Variants in BTBD9 observed in about 807,000 individuals in gnomAD.
BTBD9 encodes the protein BTB domain containing 9.
A neutral mutation model predicts 64.3 loss-of-function variants in BTBD9; 49 were observed. The observed-to-expected ratio is 0.76, with a 90% CI of 0.61 to 0.97. The LOEUF is 0.97. Ranked by LOEUF, BTBD9 falls within the 50% of genes least tolerant of loss-of-function variation. The probability of loss-of-function intolerance (pLI) is 0.00; values close to 1 mark genes in which losing one functional copy is unlikely to be tolerated. For missense variants in BTBD9, 598 were observed against 762.1 expected, an observed-to-expected ratio of 0.78 and a Z score of 2.53; for synonymous variants, 260 against 274.7, an observed-to-expected ratio of 0.95 and a Z score of 0.53.
intron 6 of BTBD9, among the ~76,000 whole-genome samples, chr6:38,398,775 T>G (rs1255040104): frequency 2.0e-5 from 3 of 152,210 alleles, no homozygotes; most frequent in African/African-American, 7.2e-5. Context: ...CACTTACCAT[T>G]TTTTCCTAAT....
intron 7 of BTBD9, among the ~76,000 whole-genome samples, chr6:38,306,868 G>A (rs1366195084): frequency 6.6e-6 from 1 of 152,220 alleles, no homozygotes; most frequent in Non-Finnish European, 1.5e-5. Context: ...TTCAAACACT[G>A]TGCTCTGCTG....
At chr6:38,504,880 C>G (rs1772392340) in intron 6 of BTBD9, among the ~76,000 whole-genome samples, 1 of 152,208 alleles carries the variant, frequency 6.6e-6, no homozygotes, top group African/African-American at 2.4e-5. Context: ...GATTCCGGTG[C>G]AATTGCTATG....
rs1762582160 is a variant in BTBD9, at chr6:38,204,907, A to G, written c.1563-12310T>C. ...TATTACATCTTTGAAATAGGAATAA[A>G]TAAAATGATATGAAAAAATAACATT... is the stretch of plus-strand genomic sequence containing the variant. On this transcript the variant is annotated intron_variant, in intron 9 of 10. Transcript: ENST00000481247. 3.9e-5 allele frequency among the ~76,000 whole-genome samples: 6 copies of G among 152,244 alleles called. 1 individual carries two copies. In the South Asian group the frequency reaches 1.2e-3, roughly 32 times the overall value.
intron 7 of BTBD9, among the ~76,000 whole-genome samples, chr6:38,308,264 T>TA (rs1262306465): frequency 6.6e-6 from 1 of 152,210 alleles, no homozygotes; most frequent in Non-Finnish European, 1.5e-5. Context: ...AGAAAAAAGA[T>TA]AAACCAACCA....
intron 1 of BTBD9, among the ~76,000 whole-genome samples, chr6:38,619,817 T>C (rs950815476): frequency 1.1e-4 from 17 of 152,190 alleles, no homozygotes; most frequent in Non-Finnish European, 1.2e-4. Flanking sequence ...ACCTCCTCAG[T>C]TGTAATTGGG....
chr6:38,248,423 A>G (rs1172721728), intron 9 of BTBD9, among the ~76,000 whole-genome samples: 1 of 152,256 alleles, frequency 6.6e-6, no homozygotes, highest in Non-Finnish European at 1.5e-5. Flanking sequence ...CGAGGGGCAC[A>G]GTTTTGGATA....
intron 7 of BTBD9, among the ~76,000 whole-genome samples, chr6:38,294,247 G>C (rs1449665941): frequency 6.6e-6 from 1 of 152,168 alleles, no homozygotes; most frequent in East Asian, 1.9e-4. Flanking sequence ...AACCATTGTG[G>C]AAGTCAATGT....
chr6:38,375,115 G>T (rs781210158), intron 6 of BTBD9, among the ~76,000 whole-genome samples: 45 of 152,284 alleles, frequency 3.0e-4, no homozygotes, highest in Admixed American at 1.4e-3. Flanking sequence ...GGCAAGATGT[G>T]CCAGGACTAG....
chr6:38,258,045 G>C lies in BTBD9; in HGVS notation c.1455-1529C>G, dbSNP rs752924035. On this transcript the variant is annotated intron_variant, in intron 8 of 10. Transcript: ENST00000481247. The stretch of plus-strand genomic sequence containing the variant: ...CTGTCTCCTGGGCTGGAGTGTAATG[G>C]CGCGATCTCGGCTCATTGCAACCTC... Among the ~76,000 whole-genome samples the C allele has an allele frequency of 9.9e-5, 15 of 151,748 alleles. 1 individual carries two copies. Among genetic ancestry groups the C allele is most frequent in the Non-Finnish European group, 1.5e-5 (1 of 67,986 alleles).
At chr6:38,238,916 TATA>T (rs1763891548) in intron 9 of BTBD9, among the ~76,000 whole-genome samples, 2 of 152,068 alleles carry the variant, frequency 1.3e-5, no homozygotes, top group Non-Finnish European at 2.9e-5. Flanking sequence ...GGGAAGAGGG[TATA>T]ATGAGACATG....
chr6:38,551,364 T>C (rs1005602243), intron 6 of BTBD9, among the ~76,000 whole-genome samples: 1 of 152,118 alleles, frequency 6.6e-6, no homozygotes, highest in African/African-American at 2.4e-5. Flanking sequence ...CAGTGTACAC[T>C]TGGAATCTAG....
chr6:38,351,826 G>T (rs1434826975), intron 6 of BTBD9, among the ~76,000 whole-genome samples: 1 of 152,062 alleles, frequency 6.6e-6, no homozygotes, highest in Non-Finnish European at 1.5e-5. Flanking sequence ...GGGGAAAAGT[G>T]AATTTTGAAC....
chr6:38,455,905 G>A (rs984677177), intron 6 of BTBD9, among the ~76,000 whole-genome samples: 4 of 152,098 alleles, frequency 2.6e-5, no homozygotes, highest in Non-Finnish European at 4.4e-5. Context: ...TCTAACTCCT[G>A]ACCTCAGGTG....
At chr6:38,557,979 C>T (rs896642188) in intron 6 of BTBD9, among the ~76,000 whole-genome samples, 3 of 152,070 alleles carry the variant, frequency 2.0e-5, no homozygotes, top group African/African-American at 4.8e-5. Context: ...AGTTGTTTAA[C>T]GAACTCTTGG....
intron 6 of BTBD9, among the ~76,000 whole-genome samples, chr6:38,453,044 G>C (rs1769626960): frequency 6.6e-6 from 1 of 152,062 alleles, no homozygotes; most frequent in African/African-American, 2.4e-5. Context: ...ATAGCTAATA[G>C]GTCTCATCTG....
rs76326586 is a variant in BTBD9 at position 38,464,401 on chromosome 6, G to C, written c.1154+113199C>G. 1.2e-3 allele frequency among the ~76,000 whole-genome samples: 185 copies of C among 150,456 alleles called. 2 individuals are homozygous for C. The South Asian group carries it at 0.018, about 15-fold the overall frequency. ...ATTCATGAAAAAAAAAAACCCACTT[G>C]AAAGAGTTGTCCTTTTTATGGATTG... On this transcript the variant is annotated intron_variant, in intron 6 of 10. Transcript: ENST00000481247.
At chr6:38,519,712 A>G (rs1389217374) in intron 6 of BTBD9, among the ~76,000 whole-genome samples, 2 of 152,226 alleles carry the variant, frequency 1.3e-5, no homozygotes, top group African/African-American at 2.4e-5. Flanking sequence ...AGAATCAGGA[A>G]TAAGGAGTGA....
At chr6:38,390,618 T>C (rs1049658478) in intron 6 of BTBD9, among the ~76,000 whole-genome samples, 18 of 152,152 alleles carry the variant, frequency 1.2e-4, no homozygotes, top group African/African-American at 3.9e-4. Context: ...CAACCAGACA[T>C]GGATGCCTAG....
chr6:38,237,086 G>A (rs1216535136), intron 9 of BTBD9, among the ~76,000 whole-genome samples: 1 of 152,154 alleles, frequency 6.6e-6, no homozygotes, highest in Non-Finnish European at 1.5e-5. Flanking sequence ...TTTTAGTTTT[G>A]TCTTCATAAA....
Sources: allele counts gnomAD v4.1 joint callset (sites outside exome capture counted in the v4.1 genomes callset), GRCh38; gene constraint gnomAD v4.1.1; transcripts MANE v1.5; gene names NCBI Gene and HGNC (gene_info 2026-07-23, HGNC 2026-07-21).